Variants in B3GALT6 observed in about 807,000 individuals in gnomAD.
B3GALT6 encodes beta-1,3-galactosyltransferase 6, also known as GAG GalTII.
Under a neutral mutation model 23.3 loss-of-function variants are expected in B3GALT6, and 27 were observed. The ratio of observed to expected loss-of-function variants is 1.16; its 90% confidence interval spans 0.85 to 1.60. The LOEUF (loss-of-function observed/expected upper bound fraction) is 1.60. Among genes scored for constraint, B3GALT6 ranks in the 40% most tolerant of loss-of-function variants. B3GALT6 has a pLI of 0.00. For missense variants in B3GALT6, 554 were observed against 471.1 expected, an observed-to-expected ratio of 1.18 and a Z score of -1.63; for synonymous variants, 313 against 232.3, an observed-to-expected ratio of 1.35 and a Z score of -3.16.
In B3GALT6 at chr1:1,232,420, C is replaced by G; in HGVS notation, c.142C>G (p.Pro48Ala). 1 of 991,536 alleles carries G rather than the reference C, an allele frequency of 1.0e-6. No individual in the cohort carries two copies. Among genetic ancestry groups the G allele is most frequent in the Non-Finnish European group, 1.2e-6 (1 of 835,576 alleles). 61.4% of individuals were successfully genotyped at this position (991,536 alleles called of 1,614,324 possible). Residue 48 changes from proline to alanine, a missense_variant, in exon 1 of 1, where the codon CCT becomes GCT. Coordinates refer to ENST00000379198, the MANE Select transcript of B3GALT6 (RefSeq NM_080605.4). Reference sequence around the variant, plus strand: ...CAGGGCGATGTCGGGCCGCAGCCCGCCTCCCCCCGCGCCCGCGCGCGCCGC... The same window carrying G: ...CAGGGCGATGTCGGGCCGCAGCCCGGCTCCCCCCGCGCCCGCGCGCGCCGC... Reference protein sequence around the residue: ...DPRAMSGRSPPPPAPARAAAF... With the variant: ...DPRAMSGRSPAPPAPARAAAF...
Position 1,233,355 on chromosome 1 carries a change from C to G in B3GALT6, c.*87C>G. 1 of 1,354,332 alleles carries G rather than the reference C, an allele frequency of 7.4e-7. No homozygotes were observed. The highest frequency in any genetic ancestry group is 9.5e-7 in the Non-Finnish European group (1 of 1,052,380). 83.9% of individuals were successfully genotyped at this position (1,354,332 alleles called of 1,614,324 possible). A position where few individuals can be genotyped will look rare whatever the true frequency, so the allele number is the denominator to read the frequency against. ...CGAGCGGGCGCACTACGCCCGGGCC[C>G]CAAGGCCCCCGTCCCGCAGCCACGC... On this transcript the variant is annotated 3_prime_UTR_variant, in exon 1 of 1. Transcript: ENST00000379198.
In B3GALT6 at chr1:1,233,394, G is replaced by T; in HGVS notation, c.*126G>T. On this transcript the variant is annotated 3_prime_UTR_variant, in exon 1 of 1. Transcript: ENST00000379198. ...CCGCAGCCACGCTTGTGGTCGCTGC[G>T]TCCCGGTCTGCGTTTGGGAGACCCC... is the stretch of plus-strand genomic sequence containing the variant. 1 of 1,246,676 alleles carries T rather than the reference G, an allele frequency of 8.0e-7. No homozygotes were observed. 77.2% of individuals were successfully genotyped at this position (1,246,676 alleles called of 1,614,324 possible).
At position 1,232,885 on chromosome 1, in the gene B3GALT6, T is replaced by C; in HGVS notation, c.607T>C (p.Trp203Arg). Residue 203 changes from tryptophan (W) to arginine (R), a missense_variant, in exon 1 of 1, where the codon TGG becomes CGG. Transcript: ENST00000379198. The stretch of plus-strand genomic sequence containing the variant: ...GGGGGGGCGCTGGCGCGAGGCCGCC[T>C]GGCAACTCTGCGACTACTACCTGCC... ...KPGGRWREAA[W>R]QLCDYYLPYA... 3 of 1,554,450 alleles carry C rather than the reference T, an allele frequency of 1.9e-6. No homozygotes were observed. Among genetic ancestry groups the C allele is most frequent in the Non-Finnish European group, 2.6e-6 (3 of 1,162,942 alleles).
In B3GALT6 at chr1:1,232,989, C is replaced by A; in HGVS notation, c.711C>A (p.Ala237=). ...GCCTCAGCCGCGACTACCTGCGCGC[C>A]TGGCACAGCGAGGACGTGTCTCTGG... ...YLRLSRDYLR[A]WHSEDVSLGA... The change falls in exon 1 of 1, where the codon GCC becomes GCA. Residue 237 remains alanine (A), a synonymous_variant. Coordinates refer to ENST00000379198, the MANE Select transcript of B3GALT6 (RefSeq NM_080605.4). 6.4e-7 allele frequency: 1 copy of A among 1,564,426 alleles called. No homozygotes were observed. The highest frequency in any genetic ancestry group is 1.2e-5 in the South Asian group (1 of 86,666).
At position 1,233,468 on chromosome 1, in the gene B3GALT6, C is replaced by A. The variant is rs939676352; in HGVS notation, c.*200C>A. ...CGTGTCCAGGTGGAGGTGCCCGTTC[C>A]TGGACCTCAGCGAGCCTGAGCCGGG... On this transcript the variant is annotated 3_prime_UTR_variant, in exon 1 of 1. Coordinates refer to ENST00000379198, the MANE Select transcript of B3GALT6 (RefSeq NM_080605.4). 9.0e-6 allele frequency: 6 copies of A among 668,820 alleles called. No homozygotes were observed. The highest frequency in any genetic ancestry group is 1.3e-5 in the Non-Finnish European group (6 of 446,976). 41.4% of individuals were successfully genotyped at this position (668,820 alleles called of 1,614,324 possible). A position where few individuals can be genotyped will look rare whatever the true frequency, so the allele number is the denominator to read the frequency against.
Position 1,232,241 on chromosome 1 carries a change from G to A in B3GALT6, c.-38G>A, listed in dbSNP as rs1386625448. 4 of 980,686 alleles carry A rather than the reference G, an allele frequency of 4.1e-6. No homozygotes were observed. The African/African-American group carries it at 7.1e-5, about 17-fold the overall frequency. The allele number at this position is 980,686 out of a possible 1,614,324, so 60.7% of individuals were successfully genotyped here. A position where few individuals can be genotyped will look rare whatever the true frequency, so the allele number is the denominator to read the frequency against. On this transcript the variant is annotated 5_prime_UTR_variant, in exon 1 of 1. Coordinates refer to ENST00000379198, the MANE Select transcript of B3GALT6 (RefSeq NM_080605.4). Reference sequence around the variant, plus strand: ...CCGAGCCGGCGGCGCCTGCGCACTCGCGAGTCCGGCCTGGGCCGCCGGCCC... The same window carrying A: ...CCGAGCCGGCGGCGCCTGCGCACTCACGAGTCCGGCCTGGGCCGCCGGCCC...
rs12249 is a variant in B3GALT6, at chr1:1,232,955, A to G, written c.677A>G (p.His226Arg). ...GGYVLSADLV[H>R]YLRLSRDYLR... is the part of the protein sequence containing the mutation. ...TACGTGCTCTCGGCCGACCTGGTGC[A>G]CTACCTGCGCCTCAGCCGCGACTAC... is the stretch of plus-strand genomic sequence containing the variant. Residue 226 changes from histidine to arginine, a missense_variant, in exon 1 of 1, where the codon CAC (histidine) becomes CGC (arginine). Physicochemically the swap from His to Arg is conservative, Grantham distance 29. Transcript: ENST00000379198. 6.4e-7 allele frequency: 1 copy of G among 1,564,482 alleles called. No individual in the cohort carries two copies. Among genetic ancestry groups the G allele is most frequent in the Non-Finnish European group, 8.6e-7 (1 of 1,163,388 alleles).
rs1638564266 is a variant in B3GALT6, at chr1:1,232,975, G to T, written c.697G>T (p.Asp233Tyr). 6.4e-7 allele frequency: 1 copy of T among 1,563,146 alleles called. No homozygotes were observed. Among genetic ancestry groups the T allele is most frequent in the Non-Finnish European group, 8.6e-7 (1 of 1,162,164 alleles). The change falls in exon 1 of 1, where the codon GAC (aspartate) becomes TAC (tyrosine). Residue 233 changes from aspartate (D) to tyrosine (Y), a missense_variant. Transcript: ENST00000379198. Reference sequence around the variant, plus strand: ...GGTGCACTACCTGCGCCTCAGCCGCGACTACCTGCGCGCCTGGCACAGCGA... The same window carrying T: ...GGTGCACTACCTGCGCCTCAGCCGCTACTACCTGCGCGCCTGGCACAGCGA... ...DLVHYLRLSR[D>Y]YLRAWHSEDV... is the part of the protein sequence containing the mutation.
rs753612969 is a variant in B3GALT6 at position 1,232,926 on chromosome 1, C to T, written c.648C>T (p.Gly216=). ...ACTACCTGCCCTACGCGCTGGGCGGCGGCTACGTGCTCTCGGCCGACCTGG... is the reference window on the plus strand; with the variant it reads ...ACTACCTGCCCTACGCGCTGGGCGGTGGCTACGTGCTCTCGGCCGACCTGG... ...CDYYLPYALG[G]GYVLSADLVH... is the part of the protein sequence containing the mutation. Residue 216 remains glycine, a synonymous_variant, in exon 1 of 1, where the codon GGC becomes GGT. Coordinates refer to ENST00000379198, the MANE Select transcript of B3GALT6 (RefSeq NM_080605.4). 7 of 1,563,278 alleles carry T rather than the reference C, an allele frequency of 4.5e-6. No homozygotes were observed. Among genetic ancestry groups the T allele is most frequent in the African/African-American group, 2.7e-5 (2 of 73,462 alleles).
Position 1,233,083 on chromosome 1 carries a change from C to T in B3GALT6, c.805C>T (p.Arg269Cys), listed in dbSNP as rs1277368428. 1.0e-5 allele frequency: 16 copies of T among 1,557,792 alleles called. No individual in the cohort carries two copies. The highest frequency in any genetic ancestry group is 1.9e-5 in the Admixed American group (1 of 53,502). Reference protein sequence around the residue: ...DPRFDTEYRSRGCSNQYLVTH... With the variant: ...DPRFDTEYRSCGCSNQYLVTH... ...GCGCTTCGACACCGAATACCGGTCC[C>T]GCGGCTGCAGCAACCAGTACCTGGT... Residue 269 changes from arginine to cysteine, a missense_variant, in exon 1 of 1, where the codon CGC becomes TGC. Physicochemically the swap from Arg to Cys is radical, Grantham distance 180 (BLOSUM62 -3). Coordinates refer to ENST00000379198, the MANE Select transcript of B3GALT6 (RefSeq NM_080605.4).
rs922201509 is a variant in B3GALT6, at chr1:1,232,717, G to A, written c.439G>A (p.Val147Met). 2.1e-6 allele frequency: 3 copies of A among 1,429,426 alleles called. No homozygotes were observed. The highest frequency in any genetic ancestry group is 2.6e-5 in the Admixed American group (1 of 38,808). 88.5% of individuals were successfully genotyped at this position (1,429,426 alleles called of 1,614,324 possible). A position where few individuals can be genotyped will look rare whatever the true frequency, so the allele number is the denominator to read the frequency against. The change falls in exon 1 of 1, where the codon GTG becomes ATG. Residue 147 changes from valine to methionine, a missense_variant. Coordinates refer to ENST00000379198, the MANE Select transcript of B3GALT6 (RefSeq NM_080605.4). ...CATGCTGGCCTGGCTGGACGAGCAC[G>A]TGGCCTTCGAGTTCGTGCTCAAGGC... ...LAMLAWLDEH[V>M]AFEFVLKADD...
In B3GALT6 at chr1:1,232,563, C is replaced by A. The variant is rs1557526065; in HGVS notation, c.285C>A (p.Ala95=). ...CGGGCGACGTGTGGGCGCGCTTTGC[C>A]GTGGGCACGGCCGGCCTGGGCGCCG... ...GAPGDVWARF[A]VGTAGLGAEE... The change falls in exon 1 of 1, where the codon GCC becomes GCA. Residue 95 remains alanine, a synonymous_variant. Transcript: ENST00000379198. 3 of 1,179,732 alleles carry A rather than the reference C, an allele frequency of 2.5e-6. No homozygotes were observed. The highest frequency in any genetic ancestry group is 1.6e-5 in the African/African-American group (1 of 61,978). 73.1% of individuals were successfully genotyped at this position (1,179,732 alleles called of 1,614,324 possible).
Position 1,233,014 on chromosome 1 carries a change from G to T in B3GALT6, c.736G>T (p.Gly246Cys). The T allele has an allele frequency of 6.4e-7, 1 of 1,556,534 alleles. No individual in the cohort carries two copies. The highest frequency in any genetic ancestry group is 2.4e-5 in the East Asian group (1 of 42,036). ...CTGGCACAGCGAGGACGTGTCTCTGGGCGCCTGGCTGGCGCCGGTGGACGT... is the reference window on the plus strand; with the variant it reads ...CTGGCACAGCGAGGACGTGTCTCTGTGCGCCTGGCTGGCGCCGGTGGACGT... ...RAWHSEDVSL[G>C]AWLAPVDVQR... The change falls in exon 1 of 1, where the codon GGC (glycine) becomes TGC (cysteine). Residue 246 changes from glycine to cysteine, a missense_variant. Gly to Cys is a radical substitution (Grantham distance 159, BLOSUM62 -3). Coordinates refer to ENST00000379198, the MANE Select transcript of B3GALT6 (RefSeq NM_080605.4).
chr1:1,233,321 G>A lies in B3GALT6; in HGVS notation c.*53G>A. 3 of 1,397,226 alleles carry A rather than the reference G, an allele frequency of 2.1e-6. No homozygotes were observed. Among genetic ancestry groups the A allele is most frequent in the Middle Eastern group, 2.7e-4 (1 of 3,768 alleles). The allele number at this position is 1,397,226 out of a possible 1,614,324, so 86.6% of individuals were successfully genotyped here. A position where few individuals can be genotyped will look rare whatever the true frequency, so the allele number is the denominator to read the frequency against. On this transcript the variant is annotated 3_prime_UTR_variant, in exon 1 of 1. Transcript: ENST00000379198. Reference sequence around the variant, plus strand: ...CCTGCTTCACCCGGCGGCGCCTTGGGGCAGGTGCCGAGCGGGCGCACTACG... The same window carrying A: ...CCTGCTTCACCCGGCGGCGCCTTGGAGCAGGTGCCGAGCGGGCGCACTACG...
At position 1,232,446 on chromosome 1, in the gene B3GALT6, C is replaced by T. The variant is rs1570498036; in HGVS notation, c.168C>T (p.Ala56=). Residue 56 remains alanine (A), a synonymous_variant, in exon 1 of 1, where the codon GCC becomes GCT. Transcript: ENST00000379198. The part of the protein sequence containing the change: ...SPPPPAPARA[A]AFLAVLVASA... ...CTCCCCCCGCGCCCGCGCGCGCCGC[C>T]GCCTTCCTGGCAGTGCTGGTGGCCA... is the stretch of plus-strand genomic sequence containing the variant. 2.0e-6 allele frequency: 2 copies of T among 999,744 alleles called. No individual in the cohort carries two copies. Among genetic ancestry groups the T allele is most frequent in the Non-Finnish European group, 2.4e-6 (2 of 841,080 alleles). 61.9% of individuals were successfully genotyped at this position (999,744 alleles called of 1,614,324 possible). A position where few individuals can be genotyped will look rare whatever the true frequency, so the allele number is the denominator to read the frequency against.
rs1638561908 is a variant in B3GALT6, at chr1:1,232,938, C to T, written c.660C>T (p.Leu220=). Reference sequence around the variant, plus strand: ...ACGCGCTGGGCGGCGGCTACGTGCTCTCGGCCGACCTGGTGCACTACCTGC... The same window carrying T: ...ACGCGCTGGGCGGCGGCTACGTGCTTTCGGCCGACCTGGTGCACTACCTGC... ...LPYALGGGYV[L]SADLVHYLRL... is the part of the protein sequence containing the mutation. The change falls in exon 1 of 1, where the codon CTC becomes CTT. Residue 220 remains leucine (L), a synonymous_variant. Transcript: ENST00000379198. 6 of 1,563,896 alleles carry T rather than the reference C, an allele frequency of 3.8e-6. No homozygotes were observed. Among genetic ancestry groups the T allele is most frequent in the Non-Finnish European group, 5.2e-6 (6 of 1,163,370 alleles).
Position 1,232,955 on chromosome 1 carries a change from A to C in B3GALT6, c.677A>C (p.His226Pro). ...GGYVLSADLV[H>P]YLRLSRDYLR... ...TACGTGCTCTCGGCCGACCTGGTGC[A>C]CTACCTGCGCCTCAGCCGCGACTAC... Residue 226 changes from histidine (H) to proline (P), a missense_variant, in exon 1 of 1, where the codon CAC becomes CCC. His to Pro is a moderately conservative substitution (Grantham distance 77, BLOSUM62 -2). Coordinates refer to ENST00000379198, the MANE Select transcript of B3GALT6 (RefSeq NM_080605.4). The C allele has an allele frequency of 1.9e-6, 3 of 1,564,482 alleles. No homozygotes were observed. The highest frequency in any genetic ancestry group is 2.6e-6 in the Non-Finnish European group (3 of 1,163,388).
rs1456478110 is a variant in B3GALT6 at position 1,233,864 on chromosome 1, CTT to C, written c.*599_*600del. On this transcript the variant is annotated 3_prime_UTR_variant, in exon 1 of 1. Transcript: ENST00000379198. ...GAGAACTTTAAAACTGGCCATCTAT[CTT>C]TTCAGTGTACAAGTCACTGAACCCA... 6.0e-6 allele frequency: 1 copy of C among 166,880 alleles called. No individual in the cohort carries two copies. Among genetic ancestry groups the C allele is most frequent in the Non-Finnish European group, 1.5e-5 (1 of 68,130 alleles). 10.3% of individuals were successfully genotyped at this position (166,880 alleles called of 1,614,324 possible). A position where few individuals can be genotyped will look rare whatever the true frequency, so the allele number is the denominator to read the frequency against.
rs1422897152 is a variant in B3GALT6 at position 1,232,891 on chromosome 1, C to G, written c.613C>G (p.Leu205Val). 37 of 1,555,514 alleles carry G rather than the reference C, an allele frequency of 2.4e-5. No individual in the cohort carries two copies. Among genetic ancestry groups the G allele is most frequent in the Non-Finnish European group, 3.2e-5 (37 of 1,163,412 alleles). ...GCGCTGGCGCGAGGCCGCCTGGCAA[C>G]TCTGCGACTACTACCTGCCCTACGC... ...GGRWREAAWQLCDYYLPYALG... is the reference protein window; with the variant it reads ...GGRWREAAWQVCDYYLPYALG... Residue 205 changes from leucine to valine, a missense_variant, in exon 1 of 1, where the codon CTC becomes GTC. Coordinates refer to ENST00000379198, the MANE Select transcript of B3GALT6 (RefSeq NM_080605.4).
Sources: allele counts gnomAD v4.1 joint callset, GRCh38; gene constraint gnomAD v4.1.1; transcripts MANE v1.5; gene names NCBI Gene and HGNC (gene_info 2026-07-23, HGNC 2026-07-21).